The following INTS11 variants were observed in gnomAD, a reference collection of about 807,000 sequenced individuals.
The protein encoded by INTS11 is integrator complex subunit 11, also known as CPSF3-like protein.
A neutral mutation model predicts 78.6 loss-of-function variants in INTS11; 77 were observed. The ratio of observed to expected loss-of-function variants is 0.98; its 90% confidence interval spans 0.81 to 1.18. The LOEUF is 1.18. INTS11 is among the 50% of genes most tolerant of loss of function. The pLI, the probability that INTS11 is intolerant of heterozygous loss-of-function variation, is 0.00. For missense variants in INTS11, 875 were observed against 825.9 expected (o/e 1.06, Z -0.73); for synonymous variants, 441 against 326.9 (o/e 1.35, Z -3.77).
At chr1:1,317,275 T>C (rs1444706022) in intron 4 of INTS11, 2 of 153,458 alleles carry the variant, frequency 1.3e-5, no homozygotes, top group Admixed American at 1.3e-4. Flanking sequence ...ACGCCTGTAA[T>C]CCCAGCTACT....
At chr1:1,317,533 G>A (rs1642692531) in intron 4 of INTS11, 2 of 781,892 alleles carry the variant, frequency 2.6e-6, no homozygotes, top group Non-Finnish European at 3.1e-6. Context: ...AGATGACGGA[G>A]TTTCAAGAGG....
At chr1:1,323,609 C>T (rs1643096056) in intron 1 of INTS11, among the ~76,000 whole-genome samples, 1 of 150,504 alleles carries the variant, frequency 6.6e-6, no homozygotes, top group African/African-American at 2.5e-5. Flanking sequence ...TGGGGTCTTG[C>T]CATGTTGGCT....
chr1:1,321,953 T>C, intron 1 of INTS11: 1 of 1,111,716 alleles, frequency 9.0e-7, no homozygotes, highest in Non-Finnish European at 1.1e-6. Context: ...GCACCACACA[T>C]CAGGATGACG....
In INTS11 at chr1:1,312,231, G is replaced by C; in HGVS notation, c.1602C>G (p.Leu534=). Residue 534 remains leucine (L), a synonymous_variant, in exon 15 of 17, where the codon CTC becomes CTG. Coordinates refer to ENST00000435064, the MANE Select transcript of INTS11 (RefSeq NM_017871.6). ...GGGCGGGGCCGGGCGCCCACCTCTT[G>C]AGGTGGCTGTAGACGCGCAATGCCG... The part of the protein sequence containing the change: ...QETALRVYSH[L]KSVLKDHCVQ... The C allele has an allele frequency of 7.0e-7, 1 of 1,419,650 alleles. No individual in the cohort carries two copies. The highest frequency in any genetic ancestry group is 9.6e-7 in the Non-Finnish European group (1 of 1,045,464). The allele number at this position is 1,419,650 out of a possible 1,614,324, so 87.9% of individuals were successfully genotyped here. A position where few individuals can be genotyped will look rare whatever the true frequency, so the allele number is the denominator to read the frequency against.
In INTS11 at chr1:1,321,261, CAG is replaced by C. The variant is rs756259481; in HGVS notation, c.29-170_29-169del. Among the ~76,000 whole-genome samples, 8 of 152,336 alleles carry C rather than the reference CAG, an allele frequency of 5.3e-5. No homozygotes were observed. The East Asian group carries it at 5.8e-4, about 11-fold the overall frequency. On this transcript the variant is annotated intron_variant, in intron 1 of 16. Coordinates refer to ENST00000435064, the MANE Select transcript of INTS11 (RefSeq NM_017871.6). The stretch of plus-strand genomic sequence containing the variant: ...ACCCCTACTCACAGGAAGGGGGACA[CAG>C]GGGACCATGCCCCACACCATCATGT...
intron 1 of INTS11, among the ~76,000 whole-genome samples, chr1:1,323,564 C>A (rs1643092728): frequency 6.6e-6 from 1 of 151,498 alleles, no homozygotes; most frequent in East Asian, 2.0e-4. Flanking sequence ...ACCACCACGC[C>A]CTGCCAATTT....
rs1205461512 is a variant in INTS11, at chr1:1,312,863, C to T, written c.1218G>A (p.Glu406=). Residue 406 remains glutamate, a synonymous_variant, in exon 12 of 17, where the codon GAG becomes GAA. Transcript: ENST00000435064. ...KGIMQLVGQA[E]PESVLLVHGE... The stretch of plus-strand genomic sequence containing the variant: ...CATGCACCAGCAGCACGCTCTCCGG[C>T]TCTGCCTGGCCCACCAGCTGCATGA... 4 of 1,612,252 alleles carry T rather than the reference C, an allele frequency of 2.5e-6. No individual in the cohort carries two copies. The highest frequency in any genetic ancestry group is 3.4e-6 in the Non-Finnish European group (4 of 1,179,888).
chr1:1,320,900 C>G (rs570164885), intron 2 of INTS11, 96 bp downstream of exon 2: 1 of 1,123,226 alleles, frequency 8.9e-7, no homozygotes, highest in African/African-American at 1.5e-5. Context: ...ACAACCACTG[C>G]TGCCCACCAC....
rs550834556 is a variant in INTS11 at position 1,313,338 on chromosome 1, TCA to T, written c.1041+169_1041+170del. ...TTCTGCCCGAGGTGGACAAGCTGTG[TCA>T]CAGAGACTGAGCAGCTCCAGGCGGA... On this transcript the variant is annotated intron_variant, in intron 10 of 16. Transcript: ENST00000435064. The T allele has an allele frequency of 1.4e-4, 128 of 890,674 alleles. No individual in the cohort carries two copies. In the East Asian group the frequency reaches 3.2e-3, roughly 22 times the overall value. 55.2% of individuals were successfully genotyped at this position (890,674 alleles called of 1,614,324 possible). A position where few individuals can be genotyped will look rare whatever the true frequency, so the allele number is the denominator to read the frequency against.
In INTS11 at chr1:1,315,536, T is replaced by G; in HGVS notation, c.512A>C (p.Glu171Ala). ...AAMFQIKVGS[E>A]SVVYTGDYNM... ...TCCACTGACCGTGTAGACCACAGAC[T>G]CTGAGCCCACTTTAATCTGGAACAT... The change falls in exon 5 of 17, where the codon GAG (glutamate) becomes GCG (alanine). Residue 171 changes from glutamate to alanine, a missense_variant. Physicochemically the swap from Glu to Ala is moderately radical, Grantham distance 107. Transcript: ENST00000435064. The G allele has an allele frequency of 6.2e-7, 1 of 1,612,514 alleles. No homozygotes were observed. Among genetic ancestry groups the G allele is most frequent in the South Asian group, 1.1e-5 (1 of 91,006 alleles).
Position 1,314,379 on chromosome 1 carries a change from A to C in INTS11, c.703-14T>G, listed in dbSNP as rs1435997309. On this transcript the variant is annotated splice_polypyrimidine_tract_variant and intron_variant, in intron 7 of 16. Transcript: ENST00000435064. This position sits in a 1 kb window ranked among gnomAD's most constrained non-coding sequence, Gnocchi z 4.2. ...AGGTATCAGCACCTGAGGGGGACAC[A>C]AGGCAGGAGCCCTGGGCACATGGCC... 1 of 1,600,648 alleles carries C rather than the reference A, an allele frequency of 6.2e-7. No homozygotes were observed. Among genetic ancestry groups the C allele is most frequent in the African/African-American group, 1.3e-5 (1 of 74,710 alleles).
In INTS11 at chr1:1,314,972, G is replaced by A. The variant is rs368691656; in HGVS notation, c.564-10C>T. On this transcript the variant is annotated splice_polypyrimidine_tract_variant and intron_variant, in intron 6 of 16. Coordinates refer to ENST00000435064, the MANE Select transcript of INTS11 (RefSeq NM_017871.6). The surrounding 1 kb of genome is among the most constrained non-coding windows in gnomAD (Gnocchi z 4.2). The stretch of plus-strand genomic sequence containing the variant: ...GTCAATCCAGGCAGCTCTGGAACAC[G>A]GGGGTGGGGGTGTGAGCCACGATGC... The A allele has an allele frequency of 4.3e-5, 69 of 1,610,768 alleles. No individual in the cohort carries two copies. Among genetic ancestry groups the A allele is most frequent in the Non-Finnish European group, 5.7e-5 (67 of 1,178,352 alleles).
At chr1:1,322,552 A>C in intron 1 of INTS11, among the ~76,000 whole-genome samples, 1 of 13,738 alleles carries the variant, frequency 7.3e-5, no homozygotes, top group Admixed American at 7.5e-4. Flanking sequence ...GGGGAGGGGT[A>C]GGGTGGGGGA....
chr1:1,323,231 C>A (rs1426115102), intron 1 of INTS11: 1 of 1,550,312 alleles, frequency 6.5e-7, no homozygotes, highest in Non-Finnish European at 8.7e-7. Flanking sequence ...CTGGAAGGTG[C>A]CCTCGACCCC....
chr1:1,311,964 G>A (rs374968976), intron 16 of INTS11, 40 bp from the exon 17 acceptor site: 24 of 1,596,318 alleles, frequency 1.5e-5, no homozygotes, highest in Middle Eastern at 3.3e-4. Flanking sequence ...GTGCAGGACA[G>A]GGAGGAATGT....
At position 1,319,475 on chromosome 1, in the gene INTS11, C is replaced by A; in HGVS notation, c.250G>T (p.Val84Leu). 2 of 1,606,766 alleles carry A rather than the reference C, an allele frequency of 1.2e-6. No individual in the cohort carries two copies. The highest frequency in any genetic ancestry group is 2.2e-5 in the East Asian group (1 of 44,768). The change falls in exon 4 of 17, where the codon GTG (valine) becomes TTG (leucine). Residue 84 changes from valine to leucine, a missense_variant. Val to Leu is a conservative substitution (Grantham distance 32). Transcript: ENST00000435064. ...ATGTAGATGGGCCCGTCGTAGCCCA[C>A]CATCTCGCTGAAGTAGGGGAGTGCC... ...CGALPYFSEM[V>L]GYDGPIYMTH...
chr1:1,324,285 G>C (rs1005403476), intron 1 of INTS11, among the ~76,000 whole-genome samples: 2 of 152,060 alleles, frequency 1.3e-5, no homozygotes, highest in Non-Finnish European at 2.9e-5. Flanking sequence ...GGCACGGGGA[G>C]GTCAAGGCAC....
At position 1,313,207 on chromosome 1, in the gene INTS11, C is replaced by T. The variant is rs998906460; in HGVS notation, c.1042-83G>A. Reference sequence around the variant, plus strand: ...TTGCCCGGGATGCCCCCGCCTGAACCCCTGGAAGCTGTTTCCACCTGCCAG... The same window carrying T: ...TTGCCCGGGATGCCCCCGCCTGAACTCCTGGAAGCTGTTTCCACCTGCCAG... On this transcript the variant is annotated intron_variant, in intron 10 of 16. Transcript: ENST00000435064. The T allele has an allele frequency of 9.6e-6, 14 of 1,458,070 alleles. No individual in the cohort carries two copies. The African/African-American group carries it at 1.5e-4, about 16-fold the overall frequency. The allele number at this position is 1,458,070 out of a possible 1,614,324, so 90.3% of individuals were successfully genotyped here.
In INTS11 at chr1:1,312,413, C is replaced by A. The variant is rs368307735; in HGVS notation, c.1464+27G>T. On this transcript the variant is annotated intron_variant, in intron 14 of 16. Transcript: ENST00000435064. ...CAGTGAGCGCAGCAGCGGCCCTCCC[C>A]CCTCCAGAGACCGTCCTGGCACTCA... The A allele has an allele frequency of 5.1e-6, 8 of 1,565,566 alleles. No homozygotes were observed. The Admixed American group carries it at 7.5e-5, about 15-fold the overall frequency.
Sources: gnomAD v4.1 joint callset for allele counts (sites outside exome capture counted in the v4.1 genomes callset) on GRCh38, gnomAD v4.1.1 for gene constraint, Gnocchi (gnomAD v3.1) non-coding constraint, MANE v1.5 for transcripts, NCBI Gene and HGNC (gene_info 2026-07-23, HGNC 2026-07-21) for gene names.